The following PNPLA7 variants were observed in gnomAD, a reference collection of about 807,000 sequenced individuals.
The protein encoded by PNPLA7 is patatin like domain 7, lysophospholipase, also known as patatin-like phospholipase domain-containing protein 7.
A neutral mutation model predicts 161.7 loss-of-function variants in PNPLA7; 153 were observed. The observed-to-expected ratio is 0.95, with a 90% CI of 0.83 to 1.08. PNPLA7 has a LOEUF of 1.08. PNPLA7 is among the 50% of genes least tolerant of loss of function. The probability of loss-of-function intolerance (pLI) is 0.00; values close to 1 mark genes in which losing one functional copy is unlikely to be tolerated. For synonymous variants in PNPLA7, 809 were observed against 782.1 expected, an observed-to-expected ratio of 1.03 and a Z score of -0.57; for missense variants, 1,739 against 1,856.6, an observed-to-expected ratio of 0.94 and a Z score of 1.16.
chr9:137,462,684 C>A lies in PNPLA7; in HGVS notation c.3492+1G>T. On this transcript the variant is annotated splice_donor_variant, in intron 30 of 34. Transcript: ENST00000406427. LOFTEE classifies it high-confidence loss of function. Reference sequence around the variant, plus strand: ...GCCCAGCCTGCCCGGTAGCACCCCACCTTGACTTTCGTGGCCAAGGGGTTC... The same window carrying A: ...GCCCAGCCTGCCCGGTAGCACCCCAACTTGACTTTCGTGGCCAAGGGGTTC... The A allele has an allele frequency of 6.2e-7, 1 of 1,613,660 alleles. No individual in the cohort carries two copies. The highest frequency in any genetic ancestry group is 8.5e-7 in the Non-Finnish European group (1 of 1,179,874).
chr9:137,503,766 A>G (rs372915158), intron 14 of PNPLA7, among the ~76,000 whole-genome samples: 2 of 13,274 alleles, frequency 1.5e-4, no homozygotes, highest in African/African-American at 4.0e-4. Context: ...AAAGAAAGAA[A>G]AAGAAGAAAA....
intron 10 of PNPLA7, 149 bp downstream of exon 10, chr9:137,521,487 C>T: frequency 1.4e-6 from 1 of 706,554 alleles, no homozygotes; most frequent in Non-Finnish European, 2.3e-6. Flanking sequence ...CAGCCCCTCC[C>T]AAAGTCCTAA....
chr9:137,479,034 C>T, intron 24 of PNPLA7, 22 bp downstream of exon 24: 1 of 1,531,190 alleles, frequency 6.5e-7, no homozygotes, highest in South Asian at 1.2e-5. Flanking sequence ...CACGGGCAGG[C>T]AGCCTCCTCT....
chr9:137,546,704 G>T, intron 4 of PNPLA7, 126 bp downstream of exon 4: 1 of 782,708 alleles, frequency 1.3e-6, no homozygotes. Flanking sequence ...GAGCTGGGAA[G>T]CTGGGGAGAG....
chr9:137,497,352 C>T, intron 17 of PNPLA7, 42 bp from the exon 18 acceptor site: 1 of 1,460,780 alleles, frequency 6.8e-7, no homozygotes, highest in East Asian at 2.7e-5. Flanking sequence ...GGCCCCCAGC[C>T]TCAGCCTCCA....
intron 17 of PNPLA7, 147 bp downstream of exon 17, chr9:137,497,967 G>A (rs762389423): frequency 2.9e-5 from 37 of 1,263,056 alleles, no homozygotes; most frequent in Non-Finnish European, 4.1e-5. Flanking sequence ...GCTAAGCTGG[G>A]GTGGGGCTGG....
At position 137,467,504 on chromosome 9, in the gene PNPLA7, T is replaced by C; in HGVS notation, c.2883-31A>G. On this transcript the variant is annotated intron_variant, in intron 25 of 34. Coordinates refer to ENST00000406427, the MANE Select transcript of PNPLA7 (RefSeq NM_001098537.3). This position sits in a 1 kb window ranked among gnomAD's most constrained non-coding sequence, Gnocchi z 5.1. Reference sequence around the variant, plus strand: ...CCAGCCAGGGACACAGAGCAAGGAGTGAGTACCAGGCCCAGGCTGCGCCCT... The same window carrying C: ...CCAGCCAGGGACACAGAGCAAGGAGCGAGTACCAGGCCCAGGCTGCGCCCT... 6.2e-7 allele frequency: 1 copy of C among 1,609,246 alleles called. No homozygotes were observed. Among genetic ancestry groups the C allele is most frequent in the Non-Finnish European group, 8.5e-7 (1 of 1,178,404 alleles).
intron 28 of PNPLA7, 52 bp downstream of exon 28, chr9:137,464,074 C>G: frequency 3.8e-6 from 6 of 1,583,592 alleles, no homozygotes; most frequent in Non-Finnish European, 5.2e-6. Flanking sequence ...GAGCTCTCCC[C>G]CTGCCCACAC....
At chr9:137,504,831 C>T (rs913221769) in intron 14 of PNPLA7, among the ~76,000 whole-genome samples, 8 of 152,080 alleles carry the variant, frequency 5.3e-5, no homozygotes, top group South Asian at 2.1e-4. Context: ...TTGGTAATTA[C>T]GGAATTGGGT....
At chr9:137,484,759 C>G (rs1156824045) in intron 20 of PNPLA7, 23 bp from the exon 21 acceptor site, 1 of 1,582,382 alleles carries the variant, frequency 6.3e-7, no homozygotes, top group Non-Finnish European at 8.6e-7. Flanking sequence ...GGACCCACGT[C>G]AGCTGGGACA....
At chr9:137,530,836 G>C (rs900313373) in intron 8 of PNPLA7, among the ~76,000 whole-genome samples, 14 of 151,782 alleles carry the variant, frequency 9.2e-5, no homozygotes, top group African/African-American at 3.4e-4. Context: ...TGCTGTTCAG[G>C]AGAATTCCAA....
At chr9:137,491,981 G>A (rs1330996972) in intron 20 of PNPLA7, 3 of 985,324 alleles carry the variant, frequency 3.0e-6, no homozygotes, top group Non-Finnish European at 3.6e-6. Context: ...CTCTTCTGAG[G>A]GCTCCAGGCA....
At chr9:137,462,531 GC>G (rs1293387448) in intron 30 of PNPLA7, 153 bp downstream of exon 30, 1 of 1,391,126 alleles carries the variant, frequency 7.2e-7, no homozygotes, top group East Asian at 2.5e-5. Context: ...GCCTTCCTTC[GC>G]CCGAGTTGGG....
rs1270477044 is a variant in PNPLA7 at position 137,506,049 on chromosome 9, C to T, written c.1260G>A (p.Met420Ile). The T allele has an allele frequency of 6.2e-7, 1 of 1,613,072 alleles. No individual in the cohort carries two copies. The highest frequency in any genetic ancestry group is 8.5e-7 in the Non-Finnish European group (1 of 1,179,832). The change falls in exon 13 of 35, where the codon ATG becomes ATA. Residue 420 changes from methionine to isoleucine, a missense_variant. Physicochemically the swap from Met to Ile is conservative, Grantham distance 10. Around this residue, in one of 6 missense-constraint regions of PNPLA7, gnomAD observed 481 missense variants for 450.0 expected, o/e 1.07. Coordinates refer to ENST00000406427, the MANE Select transcript of PNPLA7 (RefSeq NM_001098537.3). The stretch of plus-strand genomic sequence containing the variant: ...GGAAGACCCTGGCACGGTCACATGC[C>T]ATCCCCAGATCAGAAGTGGCACTGC... The part of the protein sequence containing the change: ...GPGSATSDLG[M>I]ACDRARVFLH...
Position 137,523,134 on chromosome 9 carries a change from C to T in PNPLA7, c.748-277G>A, listed in dbSNP as rs558999473. ...CACCCCACCAGACCTGGGCACTCACCATGGGGAGTTCCAACCACTCCCACC... is the reference window on the plus strand; with the variant it reads ...CACCCCACCAGACCTGGGCACTCACTATGGGGAGTTCCAACCACTCCCACC... On this transcript the variant is annotated intron_variant, in intron 8 of 34. Coordinates refer to ENST00000406427, the MANE Select transcript of PNPLA7 (RefSeq NM_001098537.3). The surrounding 1 kb of genome is among the most constrained non-coding windows in gnomAD (Gnocchi z 4.4). Among the ~76,000 whole-genome samples the T allele has an allele frequency of 8.5e-5, 13 of 152,320 alleles. No individual in the cohort carries two copies. The East Asian group carries it at 2.5e-3, about 29-fold the overall frequency.
chr9:137,494,107 G>A (rs1832911619), intron 19 of PNPLA7, among the ~76,000 whole-genome samples: 2 of 152,166 alleles, frequency 1.3e-5, no homozygotes, highest in Admixed American at 6.5e-5. Context: ...GGCCACACCT[G>A]CACCCCCTTT....
At chr9:137,482,071 T>C (rs868195591) in intron 21 of PNPLA7, among the ~76,000 whole-genome samples, 2 of 152,364 alleles carry the variant, frequency 1.3e-5, no homozygotes, top group Middle Eastern at 3.4e-3. Flanking sequence ...GAGACAGCTC[T>C]GAGCTGAAAA....
At chr9:137,514,675 G>A (rs1834428140) in intron 12 of PNPLA7, among the ~76,000 whole-genome samples, 1 of 140,138 alleles carries the variant, frequency 7.1e-6, no homozygotes, top group Non-Finnish European at 1.5e-5. Context: ...CCCTGTGGCT[G>A]GGCTGCAGGC....
chr9:137,511,402 G>T (rs1408391823), intron 12 of PNPLA7, among the ~76,000 whole-genome samples: 4 of 150,050 alleles, frequency 2.7e-5, no homozygotes, highest in Non-Finnish European at 5.9e-5. Context: ...GCCTGGGAAG[G>T]TACCCGTTAC....
Sources: gnomAD v4.1 joint callset for allele counts (sites outside exome capture counted in the v4.1 genomes callset) on GRCh38, gnomAD v4.1.1 for gene constraint, gnomAD v4.1.1 regional missense constraint, Gnocchi (gnomAD v3.1) non-coding constraint, MANE v1.5 for transcripts, NCBI Gene and HGNC (gene_info 2026-07-23, HGNC 2026-07-21) for gene names.